The following ZMIZ1 variants were observed in gnomAD, a reference collection of about 807,000 sequenced individuals.
ZMIZ1 encodes zinc finger MIZ domain-containing protein 1.
Under a neutral mutation model 113.9 loss-of-function variants are expected in ZMIZ1, and 17 were observed. The observed-to-expected ratio is 0.15, with a 90% confidence interval of 0.10 to 0.22. ZMIZ1 has a LOEUF of 0.22. ZMIZ1 is among the 10% of genes least tolerant of loss of function. The probability of loss-of-function intolerance (pLI) is 1.00; values close to 1 mark genes in which losing one functional copy is unlikely to be tolerated. For missense variants in ZMIZ1, 1,059 were observed against 1,477.8 expected, an observed-to-expected ratio of 0.72 and a Z score of 4.65; for synonymous variants, 607 against 603.1, an observed-to-expected ratio of 1.01 and a Z score of -0.09.
At chr10:79,276,691 T>C (rs1852313066) in intron 7 of ZMIZ1, among the ~76,000 whole-genome samples, 1 of 152,160 alleles carries the variant, frequency 6.6e-6, no homozygotes, top group South Asian at 2.1e-4. Context: ...AAGATTTTGT[T>C]CAAACCTTGT....
At chr10:79,183,594 G>A (rs886386965) in intron 4 of ZMIZ1, among the ~76,000 whole-genome samples, 2 of 152,168 alleles carry the variant, frequency 1.3e-5, no homozygotes, top group Non-Finnish European at 2.9e-5. Context: ...GGTTACGAGC[G>A]TGAGCTCTGA....
At chr10:79,285,658 T>G (rs1397171979) in intron 8 of ZMIZ1, 5 of 445,812 alleles carry the variant, frequency 1.1e-5, no homozygotes, top group Non-Finnish European at 2.3e-5. Context: ...CTGGCACATT[T>G]TTTTGTTTAG....
intron 4 of ZMIZ1, among the ~76,000 whole-genome samples, chr10:79,196,464 G>A (rs1200603187): frequency 2.6e-5 from 4 of 152,172 alleles, no homozygotes; most frequent in South Asian, 2.1e-4. Flanking sequence ...GAGGCAGAGC[G>A]GGTAGATAGG....
intron 4 of ZMIZ1, among the ~76,000 whole-genome samples, chr10:79,184,626 T>TG (rs1482743016): frequency 7.2e-5 from 11 of 152,176 alleles, no homozygotes; most frequent in African/African-American, 2.7e-4. Context: ...ACCTGATCCA[T>TG]GGACTGTGTC....
intron 7 of ZMIZ1, among the ~76,000 whole-genome samples, chr10:79,268,689 T>C (rs1851750410): frequency 6.6e-6 from 1 of 152,146 alleles, no homozygotes. Context: ...CCCTGGGTAG[T>C]GTGGCCCAAG....
At chr10:79,137,978 G>A (rs1392182090) in intron 2 of ZMIZ1, among the ~76,000 whole-genome samples, 1 of 152,178 alleles carries the variant, frequency 6.6e-6, no homozygotes, top group Non-Finnish European at 1.5e-5. Context: ...CTGGCTTCAG[G>A]AAGTCCCGTC....
chr10:79,217,380 G>A (rs539385813), intron 7 of ZMIZ1, among the ~76,000 whole-genome samples: 25 of 152,168 alleles, frequency 1.6e-4, no homozygotes, highest in South Asian at 1.0e-3. Context: ...AACCGAGATC[G>A]CGCCACTGCA....
intron 7 of ZMIZ1, among the ~76,000 whole-genome samples, chr10:79,232,605 G>C (rs1367474005): frequency 6.6e-6 from 1 of 152,016 alleles, no homozygotes; most frequent in African/African-American, 2.4e-5. Context: ...ATCGTACCAG[G>C]GGCGAGGCTG....
intron 7 of ZMIZ1, among the ~76,000 whole-genome samples, chr10:79,270,337 T>C (rs1447489363): frequency 6.6e-6 from 1 of 152,208 alleles, no homozygotes; most frequent in African/African-American, 2.4e-5. Flanking sequence ...AGCCAGTGCT[T>C]GTTCACTCCC....
chr10:79,311,060 G>A lies in ZMIZ1; in HGVS notation c.2972G>A (p.Arg991Gln), dbSNP rs1156561540. ...CCTCCTCCTCCTTCCCAGCCTCCCCGGCAGCCGCCACAGGCCGCTCCCAGC... is the reference window on the plus strand; with the variant it reads ...CCTCCTCCTCCTTCCCAGCCTCCCCAGCAGCCGCCACAGGCCGCTCCCAGC... ...APPPPPSQPPRQPPQAAPSSH... is the reference protein window; with the variant it reads ...APPPPPSQPPQQPPQAAPSSH... The change falls in exon 24 of 25, where the codon CGG (arginine) becomes CAG (glutamine). Residue 991 changes from arginine to glutamine, a missense_variant. This residue lies in a region of ZMIZ1 where 225 missense variants were observed against 276.0 expected (regional missense o/e 0.82). Coordinates refer to ENST00000334512, the MANE Select transcript of ZMIZ1 (RefSeq NM_020338.4). 1.5e-5 allele frequency: 24 copies of A among 1,613,256 alleles called. No individual in the cohort carries two copies. The highest frequency in any genetic ancestry group is 2.2e-5 in the South Asian group (2 of 91,078).
chr10:79,218,264 A>G (rs1250587), intron 7 of ZMIZ1, among the ~76,000 whole-genome samples: 52,165 of 152,088 alleles, frequency 0.34, 10,326 homozygotes, highest in Non-Finnish European at 0.46. Flanking sequence ...ACTTGAGTTC[A>G]GTAGTTCGAG....
At chr10:79,217,489 C>T (rs1370132431) in intron 7 of ZMIZ1, among the ~76,000 whole-genome samples, 1 of 152,106 alleles carries the variant, frequency 6.6e-6, no homozygotes, top group Non-Finnish European at 1.5e-5. Flanking sequence ...GTTAACATTC[C>T]TTATGGAGTC....
chr10:79,096,517 AAAAG>A (rs764943758), intron 1 of ZMIZ1, among the ~76,000 whole-genome samples: 5 of 145,158 alleles, frequency 3.4e-5, no homozygotes, highest in Non-Finnish European at 7.9e-5. Context: ...GTCTCAAAAG[AAAAG>A]AAAAGAAAAG....
chr10:79,311,966 GGAGCTCTGT>G (rs1402985565), intron 24 of ZMIZ1, among the ~76,000 whole-genome samples: 1 of 152,168 alleles, frequency 6.6e-6, no homozygotes, highest in East Asian at 1.9e-4. Context: ...CAGCATCAGA[GGAGCTCTGT>G]GCTAGCTAGG....
chr10:79,108,846 C>T (rs1564654975), intron 1 of ZMIZ1, among the ~76,000 whole-genome samples: 2 of 152,110 alleles, frequency 1.3e-5, no homozygotes, highest in Admixed American at 6.5e-5. Flanking sequence ...TGCAAGCCCA[C>T]CTTCTCCCCT....
chr10:79,245,734 T>C (rs1850151142), intron 7 of ZMIZ1, among the ~76,000 whole-genome samples: 2 of 152,206 alleles, frequency 1.3e-5, no homozygotes, highest in Non-Finnish European at 2.9e-5. Context: ...GTGACTGAGC[T>C]GGGTCTAAGA....
At chr10:79,155,631 T>C (rs1589349085) in intron 3 of ZMIZ1, among the ~76,000 whole-genome samples, 1 of 152,316 alleles carries the variant, frequency 6.6e-6, no homozygotes, top group East Asian at 1.9e-4. Context: ...GCATGAGCTC[T>C]TCCTCCAAGA....
intron 5 of ZMIZ1, among the ~76,000 whole-genome samples, chr10:79,207,164 G>A (rs976055873): frequency 6.6e-6 from 1 of 152,182 alleles, no homozygotes; most frequent in Non-Finnish European, 1.5e-5. Flanking sequence ...CTGCCCTGGC[G>A]CTGGGGCAGG....
chr10:79,096,443 C>T (rs1325896927), intron 1 of ZMIZ1, among the ~76,000 whole-genome samples: 1 of 152,018 alleles, frequency 6.6e-6, no homozygotes, highest in Non-Finnish European at 1.5e-5. Flanking sequence ...ACCCGGGAGG[C>T]GGAGCTTGCA....
Sources: allele counts gnomAD v4.1 joint callset (sites outside exome capture counted in the v4.1 genomes callset), GRCh38; gene constraint gnomAD v4.1.1; regional missense constraint gnomAD v4.1.1; transcripts MANE v1.5; gene names NCBI Gene and HGNC (gene_info 2026-07-23, HGNC 2026-07-21).